OPRM1: variants seen among roughly 807,000 people sequenced by gnomAD.
OPRM1 encodes the protein opioid receptor mu 1, also known as mu-type opioid receptor.
In OPRM1, 27 loss-of-function variants were observed where a neutral mutation model predicts 31.8. That is an observed-to-expected ratio of 0.85 (90% confidence interval 0.63 to 1.17). The LOEUF (loss-of-function observed/expected upper bound fraction) is 1.17, where lower values mean the gene tolerates loss of function less well. Ranked by LOEUF, OPRM1 falls within the 50% of genes most tolerant of loss-of-function variation. The pLI, the probability that OPRM1 is intolerant of heterozygous loss-of-function variation, is 0.00. For missense variants in OPRM1, 536 were observed against 511.1 expected, an observed-to-expected ratio of 1.05 and a Z score of -0.47; for synonymous variants, 196 against 189.9, an observed-to-expected ratio of 1.03 and a Z score of -0.26.
chr6:154,066,909 G>A (rs1470471406), intron 1 of OPRM1, among the ~76,000 whole-genome samples: 1 of 152,190 alleles, frequency 6.6e-6, no homozygotes, highest in South Asian at 2.1e-4. Flanking sequence ...TAGTTTTTAT[G>A]TTTTTACGAA....
chr6:154,070,401 C>G (rs2128451950), intron 1 of OPRM1, among the ~76,000 whole-genome samples: 1 of 152,312 alleles, frequency 6.6e-6, no homozygotes, highest in Non-Finnish European at 1.5e-5. Flanking sequence ...GATGGGGAGA[C>G]AGATTCTTGA....
intron 1 of OPRM1, among the ~76,000 whole-genome samples, chr6:154,013,467 T>C (rs1777838421): frequency 6.6e-6 from 1 of 152,160 alleles, no homozygotes; most frequent in Admixed American, 6.6e-5. Context: ...AACAAATGTT[T>C]ATGGGGAACC....
At chr6:154,173,029 TCTGGAGTGCAC>T (rs1800002750) in intron 3 of OPRM1, among the ~76,000 whole-genome samples, 1 of 152,176 alleles carries the variant, frequency 6.6e-6, no homozygotes, top group African/African-American at 2.4e-5. Context: ...GCAAACAGGG[TCTGGAGTGCAC>T]CTGCAGCAAA....
At chr6:154,158,721 T>C (rs1034125445) in intron 3 of OPRM1, 3 of 152,314 alleles carry the variant, frequency 2.0e-5, no homozygotes, top group East Asian at 1.9e-4. Context: ...GCAAAAAGTA[T>C]AGACTCATCA....
chr6:154,091,873 T>A (rs1419032448), intron 3 of OPRM1: 3 of 994,402 alleles, frequency 3.0e-6, no homozygotes, highest in Non-Finnish European at 3.6e-6. Context: ...CCAGTCTTGC[T>A]CTGGTTCTGT....
intron 3 of OPRM1, among the ~76,000 whole-genome samples, chr6:154,097,172 G>A (rs186335434): frequency 2.4e-4 from 36 of 152,276 alleles, no homozygotes; most frequent in African/African-American, 8.4e-4. Context: ...TAAAGTGAAC[G>A]TCGTGGCATG....
At chr6:154,056,681 C>T (rs11962779) in intron 1 of OPRM1, among the ~76,000 whole-genome samples, 20 of 151,970 alleles carry the variant, frequency 1.3e-4, no homozygotes, top group African/African-American at 4.6e-4. Context: ...GGGAAGGCCT[C>T]TTTGTTTCCG....
chr6:154,193,879 A>AAAG (rs1399275797), intron 3 of OPRM1, among the ~76,000 whole-genome samples: 2 of 152,218 alleles, frequency 1.3e-5, no homozygotes, highest in Non-Finnish European at 2.9e-5. Flanking sequence ...ATACAGACAA[A>AAAG]AAGTGCTCAA....
intron 3 of OPRM1, among the ~76,000 whole-genome samples, chr6:154,152,356 G>GA (rs1194971757): frequency 5.6e-5 from 8 of 142,722 alleles, no homozygotes; most frequent in Non-Finnish European, 7.5e-5. Flanking sequence ...AGGAAAGAAA[G>GA]AAAGAAAGAA....
rs1583173066 is a variant in OPRM1 at position 154,039,726 on chromosome 6, C to T, written c.182C>T (p.Pro61Leu). Residue 61 changes from proline to leucine, a missense_variant, in exon 1 of 4, where the codon CCG (proline) becomes CTG (leucine). Pro to Leu is a moderately conservative substitution (Grantham distance 98). Coordinates refer to ENST00000330432, the MANE Select transcript of OPRM1 (RefSeq NM_000914.5). ...DLGGRDSLCP[P>L]TGSPSMITAI... ...GGCGGGAGAGACAGCCTGTGCCCTCCGACCGGCAGTCCCTCCATGATCACG... is the reference window on the plus strand; with the variant it reads ...GGCGGGAGAGACAGCCTGTGCCCTCTGACCGGCAGTCCCTCCATGATCACG... 7 of 1,611,334 alleles carry T rather than the reference C, an allele frequency of 4.3e-6. No homozygotes were observed. The highest frequency in any genetic ancestry group is 5.9e-6 in the Non-Finnish European group (7 of 1,180,018).
chr6:154,054,019 G>C (rs1046315526), intron 1 of OPRM1, among the ~76,000 whole-genome samples: 16 of 152,062 alleles, frequency 1.1e-4, no homozygotes, highest in African/African-American at 3.6e-4. Context: ...TAGAAGAAGA[G>C]TACTTTCAGA....
At chr6:154,039,872 C>T in intron 1 of OPRM1, 38 bp downstream of exon 1, 4 of 1,535,350 alleles carry the variant, frequency 2.6e-6, no homozygotes, top group Non-Finnish European at 3.5e-6. Flanking sequence ...GAGGGTTCAG[C>T]GGCTTAAGGG....
chr6:154,092,156 A>C (rs181366143), intron 3 of OPRM1, among the ~76,000 whole-genome samples: 67 of 152,254 alleles, frequency 4.4e-4, no homozygotes, highest in Non-Finnish European at 1.3e-4. Flanking sequence ...TAGGGTGAAT[A>C]GCGACTAGCT....
intron 3 of OPRM1, among the ~76,000 whole-genome samples, chr6:154,219,795 G>C (rs539381809): frequency 6.6e-6 from 1 of 152,250 alleles, no homozygotes; most frequent in East Asian, 1.9e-4. Context: ...CTTTGTCCAA[G>C]TAAATCAAAG....
chr6:154,171,384 G>A (rs148846982), intron 3 of OPRM1, among the ~76,000 whole-genome samples: 260 of 152,208 alleles, frequency 1.7e-3, no homozygotes, highest in African/African-American at 5.6e-3. Flanking sequence ...CACATATTGC[G>A]TGATTCCATT....
chr6:154,106,555 T>C (rs1345355496), intron 3 of OPRM1, among the ~76,000 whole-genome samples: 1 of 152,254 alleles, frequency 6.6e-6, no homozygotes, highest in Non-Finnish European at 1.5e-5. Context: ...ATTTCTTGCA[T>C]AAATTCCTTT....
At chr6:154,023,351 T>A (rs1778498864) in intron 1 of OPRM1, among the ~76,000 whole-genome samples, 1 of 152,204 alleles carries the variant, frequency 6.6e-6, no homozygotes, top group Non-Finnish European at 1.5e-5. Flanking sequence ...CTTTTTCAGA[T>A]TGTTTACTTT....
At chr6:154,212,757 T>G in intron 3 of OPRM1, 1 of 1,570,722 alleles carries the variant, frequency 6.4e-7, no homozygotes, top group Non-Finnish European at 8.8e-7. Flanking sequence ...AGACTACTTA[T>G]GTCGGTACAT....
intron 3 of OPRM1, among the ~76,000 whole-genome samples, chr6:154,183,912 C>CA (rs533263387): frequency 3.7e-4 from 56 of 151,750 alleles, no homozygotes; most frequent in Non-Finnish European, 6.9e-4. Flanking sequence ...ACAAAAAAAA[C>CA]AAAAAACAAA....
Sources: gnomAD v4.1 joint callset for allele counts (sites outside exome capture counted in the v4.1 genomes callset) on GRCh38, gnomAD v4.1.1 for gene constraint, MANE v1.5 for transcripts, NCBI Gene and HGNC (gene_info 2026-07-23, HGNC 2026-07-21) for gene names.